Variants in CPM observed in about 807,000 individuals in gnomAD.
CPM encodes carboxypeptidase M, also known as renal carboxypeptidase.
CPM carries 35 observed loss-of-function variants against 46.4 expected under a neutral mutation model. The ratio of observed to expected loss-of-function variants is 0.75; its 90% CI spans 0.58 to 1.00. The LOEUF is 1.00. Ranked by LOEUF, CPM falls within the 50% of genes least tolerant of loss-of-function variation. The pLI, the probability that CPM is intolerant of heterozygous loss-of-function variation, is 0.00. For missense variants in CPM, 422 were observed against 530.4 expected, an observed-to-expected ratio of 0.80 and a Z score of 2.01; for synonymous variants, 195 against 195.3, an observed-to-expected ratio of 1.00 and a Z score of 0.01.
chr12:68,933,167 C>T lies in CPM; in HGVS notation c.-29G>A, dbSNP rs550716374. On this transcript the variant is annotated 5_prime_UTR_variant, in exon 1 of 9. Transcript: ENST00000551568. ...CAGGTCCCAGGCGCGCACCTCTACC[C>T]ACCCGCGGCCGCCCGGCGGGGCCGG... 5.3e-3 allele frequency: 913 copies of T among 173,720 alleles called. 9 individuals are homozygous for T. Among genetic ancestry groups the T allele is most frequent in the African/African-American group, 0.021 (864 of 41,966 alleles). The allele number at this position is 173,720 out of a possible 1,614,324, so 10.8% of individuals were successfully genotyped here. A position where few individuals can be genotyped will look rare whatever the true frequency, so the allele number is the denominator to read the frequency against.
chr12:68,842,679 T>G (rs1187457062), intron 5 of CPM: 1 of 209,026 alleles, frequency 4.8e-6, no homozygotes, highest in African/African-American at 2.3e-5. Context: ...ATTCAAAAAT[T>G]TATGGCTAGT....
chr12:68,885,569 T>C (rs1886390372), intron 3 of CPM, among the ~76,000 whole-genome samples: 1 of 152,188 alleles, frequency 6.6e-6, no homozygotes, highest in Non-Finnish European at 1.5e-5. Context: ...CCAGCTACTC[T>C]GACAGGGTGC....
At chr12:68,941,333 G>T (rs1054147499) in intron 1 of CPM, among the ~76,000 whole-genome samples, 1 of 151,926 alleles carries the variant, frequency 6.6e-6, no homozygotes, top group African/African-American at 2.4e-5. Flanking sequence ...GAAATAACTC[G>T]CCCAATAAGG....
At chr12:68,861,474 G>A (rs1885210144) in intron 7 of CPM, among the ~76,000 whole-genome samples, 1 of 151,908 alleles carries the variant, frequency 6.6e-6, no homozygotes, top group Admixed American at 6.6e-5. Context: ...CAACCAAATC[G>A]AAGAAAATCA....
chr12:68,932,882 G>T, intron 1 of CPM, 42 bp from the exon 2 acceptor site: 3 of 1,569,586 alleles, frequency 1.9e-6, no homozygotes, highest in South Asian at 1.1e-5. Flanking sequence ...GAACACATGA[G>T]GGCAGGCGGG....
intron 2 of CPM, among the ~76,000 whole-genome samples, chr12:68,889,890 T>C (rs1200709242): frequency 6.6e-6 from 1 of 152,154 alleles, no homozygotes; most frequent in Non-Finnish European, 1.5e-5. Flanking sequence ...CGAAGACATG[T>C]ACCCCTGATC....
chr12:68,853,494 T>C lies in CPM; in HGVS notation c.*2943A>G, dbSNP rs534833343. 1.3e-5 allele frequency: 2 copies of C among 152,346 alleles called. No individual in the cohort carries two copies. The highest frequency in any genetic ancestry group is 4.1e-4 in the South Asian group (2 of 4,824). The allele number at this position is 152,346 out of a possible 1,614,324, so 9.4% of individuals were successfully genotyped here. A position where few individuals can be genotyped will look rare whatever the true frequency, so the allele number is the denominator to read the frequency against. ...CAATTTGTTTATATTTATTAACATGTATGATTTTGTGCATGTAGAATAAGC... is the reference window on the plus strand; with the variant it reads ...CAATTTGTTTATATTTATTAACATGCATGATTTTGTGCATGTAGAATAAGC... On this transcript the variant is annotated 3_prime_UTR_variant, in exon 9 of 9. Coordinates refer to ENST00000551568, the MANE Select transcript of CPM (RefSeq NM_198320.5).
At position 68,865,048 on chromosome 12, in the gene CPM, T is replaced by A. The variant is rs145347819; in HGVS notation, c.940+1848A>T. ...TGATAATGATAATAATAGTAATAGA[T>A]TAACAAACTAAAGGATCAATAGAGG... is the stretch of plus-strand genomic sequence containing the variant. On this transcript the variant is annotated intron_variant, in intron 7 of 8. Transcript: ENST00000551568. Among the ~76,000 whole-genome samples the A allele has an allele frequency of 8.4e-4, 128 of 152,108 alleles. 1 individual carries two copies. The highest frequency in any genetic ancestry group is 3.4e-3 in the Middle Eastern group (1 of 292).
At chr12:68,894,341 A>G (rs1029457904) in intron 2 of CPM, among the ~76,000 whole-genome samples, 3 of 152,190 alleles carry the variant, frequency 2.0e-5, no homozygotes, top group Non-Finnish European at 2.9e-5. Flanking sequence ...CTACTGTAAC[A>G]TTTCAAAAAT....
At chr12:68,923,921 C>T (rs1271187508) in intron 2 of CPM, among the ~76,000 whole-genome samples, 2 of 140,964 alleles carry the variant, frequency 1.4e-5, no homozygotes, top group Admixed American at 1.4e-4. Flanking sequence ...TATATTAAAA[C>T]TGTTGGGGGG....
intron 2 of CPM, among the ~76,000 whole-genome samples, chr12:68,917,747 T>C (rs1237374561): frequency 6.6e-6 from 1 of 152,230 alleles, no homozygotes. Context: ...TCCTGATGCA[T>C]CCTAGTACCT....
Position 68,879,455 on chromosome 12 carries a change from C to G in CPM, c.258+6337G>C, listed in dbSNP as rs551240651. On this transcript the variant is annotated intron_variant, in intron 3 of 8. Transcript: ENST00000551568. ...CATGGCTCACTGCAGCCTCGACCTC[C>G]CAGGCTCAAGCAATCCTTCCACCTC... Among the ~76,000 whole-genome samples the G allele has an allele frequency of 3.9e-5, 6 of 152,196 alleles. No homozygotes were observed. In the East Asian group the frequency reaches 1.2e-3, roughly 30 times the overall value.
chr12:68,899,082 C>T (rs1036185181), intron 2 of CPM, among the ~76,000 whole-genome samples: 1 of 152,146 alleles, frequency 6.6e-6, no homozygotes, highest in Non-Finnish European at 1.5e-5. Context: ...TGCCAAGAGA[C>T]AGCAGAAATG....
intron 1 of CPM, among the ~76,000 whole-genome samples, chr12:68,955,873 T>G (rs1435673192): frequency 1.3e-5 from 2 of 151,940 alleles, no homozygotes; most frequent in African/African-American, 4.8e-5. Context: ...GCCATGGGTG[T>G]CCAAGAAAAA....
chr12:68,939,449 T>C (rs936594745), intron 1 of CPM, among the ~76,000 whole-genome samples: 1 of 151,330 alleles, frequency 6.6e-6, no homozygotes, highest in African/African-American at 2.4e-5. Flanking sequence ...CTAAATTAGA[T>C]ATAAATCTGA....
chr12:68,903,051 T>C (rs531171560), intron 2 of CPM, among the ~76,000 whole-genome samples: 2 of 152,364 alleles, frequency 1.3e-5, no homozygotes, highest in South Asian at 4.1e-4. Context: ...TATTTTCTTT[T>C]GTATCTATAA....
At chr12:68,915,548 A>G (rs537101569) in intron 2 of CPM, among the ~76,000 whole-genome samples, 1 of 152,214 alleles carries the variant, frequency 6.6e-6, no homozygotes, top group South Asian at 2.1e-4. Context: ...GCCTTTCTCA[A>G]CTTTACCAAT....
chr12:68,876,662 C>T (rs1327283397), intron 3 of CPM, among the ~76,000 whole-genome samples: 1 of 152,194 alleles, frequency 6.6e-6, no homozygotes, highest in Non-Finnish European at 1.5e-5. Flanking sequence ...CGGAGACTCT[C>T]ACTCCATCTC....
chr12:68,956,000 C>T (rs993647752), intron 1 of CPM, among the ~76,000 whole-genome samples: 19 of 152,124 alleles, frequency 1.2e-4, no homozygotes, highest in African/African-American at 4.6e-4. Context: ...ACCCAGGAGC[C>T]TGTCTGCCTC....
Sources: allele counts gnomAD v4.1 joint callset (sites outside exome capture counted in the v4.1 genomes callset), GRCh38; gene constraint gnomAD v4.1.1; transcripts MANE v1.5; gene names NCBI Gene and HGNC (gene_info 2026-07-23, HGNC 2026-07-21).